The following NKX2-6 variants were observed in gnomAD, a reference collection of about 807,000 sequenced individuals.
The protein encoded by NKX2-6 is NK2 homeobox 6.
NKX2-6 carries 8 observed loss-of-function variants against 8.6 expected under a neutral mutation model. The observed-to-expected ratio is 0.93, with a 90% confidence interval of 0.54 to 1.67. The LOEUF is 1.67. Ranked by LOEUF, NKX2-6 falls within the 40% of genes most tolerant of loss-of-function variation. NKX2-6 has a pLI of 0.00. For missense variants in NKX2-6, 475 were observed against 423.1 expected (o/e 1.12, Z -1.08); for synonymous variants, 210 against 199.3 (o/e 1.05, Z -0.45).
At position 23,702,871 on chromosome 8, in the gene NKX2-6, G is replaced by A. The variant is rs1220157925; in HGVS notation, c.486C>T (p.Arg162=). The A allele has an allele frequency of 1.3e-6, 2 of 1,560,422 alleles. No individual in the cohort carries two copies. Among genetic ancestry groups the A allele is most frequent in the African/African-American group, 2.7e-5 (2 of 73,574 alleles). The change falls in exon 2 of 2, where the codon CGC becomes CGT. Residue 162 remains arginine (R), a synonymous_variant. Coordinates refer to ENST00000325017, the MANE Select transcript of NKX2-6 (RefSeq NM_001136271.3). ...GCTGCAGCGCGCTGGCCAGGTGCTC[G>A]CGCTCGGGCGCTGACAGGTACCGCT... The part of the protein sequence containing the change: ...KQQRYLSAPE[R]EHLASALQLT...
In NKX2-6 at chr8:23,706,502, G is replaced by A. The variant is rs1351471932; in HGVS notation, c.97C>T (p.Arg33Trp). 6.5e-7 allele frequency: 1 copy of A among 1,538,566 alleles called. No individual in the cohort carries two copies. The highest frequency in any genetic ancestry group is 1.4e-5 in the African/African-American group (1 of 73,180). Residue 33 changes from arginine (R) to tryptophan (W), a missense_variant, in exon 1 of 2, where the codon CGG (arginine) becomes TGG (tryptophan). Arg to Trp is a moderately radical substitution (Grantham distance 101, BLOSUM62 -3). Coordinates refer to ENST00000325017, the MANE Select transcript of NKX2-6 (RefSeq NM_001136271.3). ...AAGTTTTCCGGGCTCTTCCGCACCC[G>A]CGGATGTGGCGAAGCCGCGGGGCAG... ...RSCPAASPHP[R>W]VRKSPENFQY...
intron 1 of NKX2-6, among the ~76,000 whole-genome samples, chr8:23,705,799 G>T (rs1045449279): frequency 9.9e-5 from 15 of 152,210 alleles, no homozygotes; most frequent in African/African-American, 3.6e-4. Flanking sequence ...TCTTCCAGAA[G>T]AAAAATCCAT....
chr8:23,706,566 G>C lies in NKX2-6; in HGVS notation c.33C>G (p.Phe11Leu). The C allele has an allele frequency of 5.2e-6, 8 of 1,536,218 alleles. No individual in the cohort carries two copies. The highest frequency in any genetic ancestry group is 2.4e-5 in the East Asian group (1 of 40,912). ...CCAGTCGCAGGATGTCCTTGACCGAGAAGGGGGTGGAGGTGACGGGGCTCA... is the reference window on the plus strand; with the variant it reads ...CCAGTCGCAGGATGTCCTTGACCGACAAGGGGGTGGAGGTGACGGGGCTCA... Reference protein sequence around the residue: MLLSPVTSTPFSVKDILRLER... With the variant: MLLSPVTSTPLSVKDILRLER... The change falls in exon 1 of 2, where the codon TTC (phenylalanine) becomes TTG (leucine). Residue 11 changes from phenylalanine (F) to leucine (L), a missense_variant. Coordinates refer to ENST00000325017, the MANE Select transcript of NKX2-6 (RefSeq NM_001136271.3).
chr8:23,706,454 C>G lies in NKX2-6; in HGVS notation c.145G>C (p.Glu49Gln). 2 of 1,547,044 alleles carry G rather than the reference C, an allele frequency of 1.3e-6. No individual in the cohort carries two copies. Among genetic ancestry groups the G allele is most frequent in the South Asian group, 1.2e-5 (1 of 84,062 alleles). Residue 49 changes from glutamate (E) to glutamine (Q), a missense_variant, in exon 1 of 2, where the codon GAG (glutamate) becomes CAG (glutamine). Transcript: ENST00000325017. ...TTGTGAACCTCTGACCCTCGCGGCT[C>G]TGCGTCCATTCTCAGGTACTGAAAG... is the stretch of plus-strand genomic sequence containing the variant. ...ENFQYLRMDA[E>Q]PRGSEVHNAG...
At chr8:23,703,117 C>A (rs1467612828) in intron 1 of NKX2-6, 35 bp from the exon 2 acceptor site, 1 of 1,526,794 alleles carries the variant, frequency 6.5e-7, no homozygotes, top group Non-Finnish European at 8.8e-7. Context: ...CAGCGCCCAG[C>A]CTAAGGCTCA....
rs1354607522 is a variant in NKX2-6, at chr8:23,706,495, C to A, written c.104G>T (p.Arg35Leu). Residue 35 changes from arginine (R) to leucine (L), a missense_variant, in exon 1 of 2, where the codon CGG (arginine) becomes CTG (leucine). Arg to Leu is a moderately radical substitution (Grantham distance 102). Transcript: ENST00000325017. Reference protein sequence around the residue: ...CPAASPHPRVRKSPENFQYLR... With the variant: ...CPAASPHPRVLKSPENFQYLR... ...GTACTGAAAGTTTTCCGGGCTCTTCCGCACCCGCGGATGTGGCGAAGCCGC... is the reference window on the plus strand; with the variant it reads ...GTACTGAAAGTTTTCCGGGCTCTTCAGCACCCGCGGATGTGGCGAAGCCGC... 1 of 1,539,404 alleles carries A rather than the reference C, an allele frequency of 6.5e-7. No homozygotes were observed. Among genetic ancestry groups the A allele is most frequent in the Admixed American group, 2.0e-5 (1 of 51,016 alleles).
intron 1 of NKX2-6, 21 bp from the exon 2 acceptor site, chr8:23,703,103 A>G (rs1416417178): frequency 1.3e-6 from 2 of 1,535,292 alleles, no homozygotes; most frequent in South Asian, 2.4e-5. Flanking sequence ...AGGAAGGGAC[A>G]CATCAGCGCC....
At position 23,703,080 on chromosome 8, in the gene NKX2-6, G is replaced by T; in HGVS notation, c.277C>A (p.Pro93Thr). The T allele has an allele frequency of 1.3e-6, 2 of 1,539,440 alleles. No individual in the cohort carries two copies. The highest frequency in any genetic ancestry group is 1.7e-6 in the Non-Finnish European group (2 of 1,146,090). Residue 93 changes from proline to threonine, a missense_variant and splice_region_variant, in exon 2 of 2, where the codon CCC becomes ACC. Pro to Thr is a conservative substitution (Grantham distance 38). Transcript: ENST00000325017. ...AGGGGCGAGGCCGCGTTCAGGCCGG[G>T]CTCTAAAAGCACAGGAAGGGACACA... ...MDAERMGEPQ[P>T]GLNAASPLGG...
intron 1 of NKX2-6, 35 bp downstream of exon 1, chr8:23,706,290 C>T (rs1201399353): frequency 1.3e-6 from 2 of 1,498,874 alleles, no homozygotes; most frequent in Non-Finnish European, 1.8e-6. Context: ...CCCCACATTC[C>T]CCCCGTAGGA....
chr8:23,705,260 G>T (rs1384674773), intron 1 of NKX2-6, among the ~76,000 whole-genome samples: 5 of 152,236 alleles, frequency 3.3e-5, no homozygotes, highest in African/African-American at 7.2e-5. Context: ...GACACAGCAG[G>T]TAATGTTCTT....
In NKX2-6 at chr8:23,702,873, G is replaced by C. The variant is rs761239489; in HGVS notation, c.484C>G (p.Arg162Gly). The C allele has an allele frequency of 1.3e-6, 2 of 1,560,566 alleles. No individual in the cohort carries two copies. The highest frequency in any genetic ancestry group is 1.7e-6 in the Non-Finnish European group (2 of 1,152,106). The change falls in exon 2 of 2, where the codon CGC (arginine) becomes GGC (glycine). Residue 162 changes from arginine (R) to glycine (G), a missense_variant. Arg to Gly is a moderately radical substitution (Grantham distance 125). Coordinates refer to ENST00000325017, the MANE Select transcript of NKX2-6 (RefSeq NM_001136271.3). ...TGCAGCGCGCTGGCCAGGTGCTCGC[G>C]CTCGGGCGCTGACAGGTACCGCTGC... ...KQQRYLSAPEREHLASALQLT... is the reference protein window; with the variant it reads ...KQQRYLSAPEGEHLASALQLT...
Position 23,702,980 on chromosome 8 carries a change from T to C in NKX2-6, c.377A>G (p.Gln126Arg). 1.9e-6 allele frequency: 3 copies of C among 1,543,566 alleles called. No homozygotes were observed. Among genetic ancestry groups the C allele is most frequent in the Non-Finnish European group, 2.6e-6 (3 of 1,145,128 alleles). ...GDSVRGGRSE[Q>R]PKARQRRKPR... The stretch of plus-strand genomic sequence containing the variant: ...CTTCCGTCGTTGCCGCGCCTTGGGC[T>C]GCTCCGAGCGGCCACCCCGCACGCT... The change falls in exon 2 of 2, where the codon CAG becomes CGG. Residue 126 changes from glutamine to arginine, a missense_variant. Coordinates refer to ENST00000325017, the MANE Select transcript of NKX2-6 (RefSeq NM_001136271.3).
Position 23,703,017 on chromosome 8 carries a change from T to C in NKX2-6, c.340A>G (p.Asn114Asp), listed in dbSNP as rs931354964. 2 of 1,541,000 alleles carry C rather than the reference T, an allele frequency of 1.3e-6. No homozygotes were observed. Among genetic ancestry groups the C allele is most frequent in the Non-Finnish European group, 1.7e-6 (2 of 1,145,832 alleles). ...GTRVPERGVG[N>D]SGDSVRGGRS... ...CCACCCCGCACGCTGTCGCCGCTGT[T>C]GCCAACGCCGCGCTCTGGCACCCTG... The change falls in exon 2 of 2, where the codon AAC becomes GAC. Residue 114 changes from asparagine (N) to aspartate (D), a missense_variant. By Grantham distance (23) the Asn-to-Asp change is conservative (BLOSUM62 1). Transcript: ENST00000325017.
At chr8:23,705,391 G>A (rs1156648441) in intron 1 of NKX2-6, among the ~76,000 whole-genome samples, 3 of 152,256 alleles carry the variant, frequency 2.0e-5, no homozygotes, top group African/African-American at 7.2e-5. Flanking sequence ...TCTGGCAGAG[G>A]AGGCCTGCCC....
In NKX2-6 at chr8:23,702,291, G is replaced by A. The variant is rs1801016130; in HGVS notation, c.*160C>T. On this transcript the variant is annotated 3_prime_UTR_variant, in exon 2 of 2. Transcript: ENST00000325017. ...TCCCAGGCGGGGCCTTTAACTGGGT[G>A]ACTGTGGTGCAGATCGCAGTTTCAG... 6.6e-6 allele frequency among the ~76,000 whole-genome samples: 1 copy of A among 152,154 alleles called. No individual in the cohort carries two copies. The highest frequency in any genetic ancestry group is 6.5e-5 in the Admixed American group (1 of 15,288).
intron 1 of NKX2-6, among the ~76,000 whole-genome samples, chr8:23,705,274 C>T (rs984576156): frequency 1.3e-5 from 2 of 152,204 alleles, no homozygotes; most frequent in African/African-American, 4.8e-5. Flanking sequence ...TGTTCTTAGG[C>T]TTCTGGAGTT....
At position 23,706,393 on chromosome 8, in the gene NKX2-6, C is replaced by A. The variant is rs1801091066; in HGVS notation, c.206G>T (p.Gly69Val). 1 of 1,551,450 alleles carries A rather than the reference C, an allele frequency of 6.4e-7. No individual in the cohort carries two copies. Among genetic ancestry groups the A allele is most frequent in the African/African-American group, 1.4e-5 (1 of 73,166 alleles). ...ACAGGGACCCCCAGGAGGCTCCGAA[C>A]CATCCAGCTTTCTGTCACCGCCGCC... ...GGGGGDRKLD[G>V]SEPPGGPCEA... The change falls in exon 1 of 2, where the codon GGT (glycine) becomes GTT (valine). Residue 69 changes from glycine to valine, a missense_variant. Gly to Val is a moderately radical substitution (Grantham distance 109). Coordinates refer to ENST00000325017, the MANE Select transcript of NKX2-6 (RefSeq NM_001136271.3).
At chr8:23,703,257 A>G (rs1048392877) in intron 1 of NKX2-6, among the ~76,000 whole-genome samples, 175 bp from the exon 2 acceptor site, 2 of 152,120 alleles carry the variant, frequency 1.3e-5, no homozygotes, top group Non-Finnish European at 2.9e-5. Flanking sequence ...GACTGTCTCC[A>G]TGTTTTTTCC....
At chr8:23,703,759 G>A (rs545843410) in intron 1 of NKX2-6, among the ~76,000 whole-genome samples, 1 of 152,206 alleles carries the variant, frequency 6.6e-6, no homozygotes, top group South Asian at 2.1e-4. Context: ...GTAAACCTTC[G>A]CTGTGAGGAA....
Sources: gnomAD v4.1 joint callset for allele counts (sites outside exome capture counted in the v4.1 genomes callset) on GRCh38, gnomAD v4.1.1 for gene constraint, MANE v1.5 for transcripts, NCBI Gene and HGNC (gene_info 2026-07-23, HGNC 2026-07-21) for gene names.